Variants in ROBO2 observed in about 807,000 individuals in gnomAD.
ROBO2 encodes roundabout homolog 2.
Under a neutral mutation model 160.8 loss-of-function variants are expected in ROBO2, and 53 were observed. The ratio of observed to expected loss-of-function variants is 0.33; its 90% CI spans 0.26 to 0.41. The LOEUF (loss-of-function observed/expected upper bound fraction) is 0.41, where lower values mean the gene tolerates loss of function less well. Ranked by LOEUF, ROBO2 falls within the 10% of genes least tolerant of loss-of-function variation. ROBO2 has a pLI of 1.00. For synonymous variants in ROBO2, 664 were observed against 611.7 expected, an observed-to-expected ratio of 1.09 and a Z score of -1.26; for missense variants, 1,577 against 1,722.4, an observed-to-expected ratio of 0.92 and a Z score of 1.49.
At chr3:77,232,105 G>A (rs1412451163) in intron 2 of ROBO2, among the ~76,000 whole-genome samples, 1 of 152,102 alleles carries the variant, frequency 6.6e-6, no homozygotes, top group Non-Finnish European at 1.5e-5. Context: ...TATGAGTCGA[G>A]TACTTTTAGT....
In ROBO2 at chr3:77,543,950, GCT is replaced by G. The variant is rs1248330059; in HGVS notation, c.935-2387_935-2386del. 3.3e-5 allele frequency among the ~76,000 whole-genome samples: 5 copies of G among 152,056 alleles called. No individual in the cohort carries two copies. In the East Asian group the frequency reaches 9.7e-4, roughly 29 times the overall value. On this transcript the variant is annotated intron_variant, in intron 6 of 25. Coordinates refer to ENST00000461745, the Ensembl canonical transcript of ROBO2. ...GAGTTTTTAATAATTTTCGATACAT[GCT>G]AAATTATTCAACACTCCTCACTTGG...
At chr3:77,487,261 A>G (rs1010420028) in intron 4 of ROBO2, among the ~76,000 whole-genome samples, 1 of 152,124 alleles carries the variant, frequency 6.6e-6, no homozygotes, top group African/African-American at 2.4e-5. Flanking sequence ...ATATTTATTG[A>G]GCATCTGCTA....
intron 2 of ROBO2, among the ~76,000 whole-genome samples, chr3:76,785,497 ACAT>A (rs1560557527): frequency 6.6e-6 from 1 of 151,292 alleles, no homozygotes; most frequent in Non-Finnish European, 1.5e-5. Context: ...TTTATTTATC[ACAT>A]CATATATGTT....
At chr3:77,242,439 A>G (rs910482148) in intron 2 of ROBO2, among the ~76,000 whole-genome samples, 2 of 152,202 alleles carry the variant, frequency 1.3e-5, no homozygotes, top group African/African-American at 4.8e-5. Flanking sequence ...AGGTATAGGA[A>G]GGTATTTAAG....
intron 2 of ROBO2, among the ~76,000 whole-genome samples, chr3:76,661,290 A>G (rs1445128550): frequency 6.6e-6 from 1 of 152,218 alleles, no homozygotes; most frequent in East Asian, 1.9e-4. Context: ...ACTCTAAAGT[A>G]GGAAAATACA....
chr3:76,229,685 C>A (rs958622993), intron 2 of ROBO2, among the ~76,000 whole-genome samples: 4 of 151,982 alleles, frequency 2.6e-5, no homozygotes, highest in African/African-American at 9.7e-5. Flanking sequence ...TCCTATTTAT[C>A]CTAGCTTCTT....
At chr3:76,184,729 CAATGCTGT>C (rs1466951971) in intron 2 of ROBO2, among the ~76,000 whole-genome samples, 1 of 151,996 alleles carries the variant, frequency 6.6e-6, no homozygotes. Flanking sequence ...TCAGGGAAGT[CAATGCTGT>C]AATTCTCAGC....
intron 21 of ROBO2, among the ~76,000 whole-genome samples, chr3:77,613,058 T>C (rs1421229162): frequency 1.3e-5 from 2 of 152,222 alleles, no homozygotes; most frequent in East Asian, 3.8e-4. Flanking sequence ...AGCAATGTAT[T>C]TGACTAATGC....
At chr3:77,011,054 C>CTTTCTTCTTTCTTTCTTTCTTTCT (rs367569139) in intron 2 of ROBO2, among the ~76,000 whole-genome samples, 6 of 106,816 alleles carry the variant, frequency 5.6e-5, no homozygotes, top group African/African-American at 2.2e-4. Flanking sequence ...TTCTTTCTTT[C>CTTTCTTCTTTCTTTCTTTCTTTCT]TTCTTTCTTT....
intron 2 of ROBO2, among the ~76,000 whole-genome samples, chr3:76,797,383 G>A (rs1364955976): frequency 6.6e-6 from 1 of 151,948 alleles, no homozygotes; most frequent in East Asian, 1.9e-4. Flanking sequence ...CAAATTTCCT[G>A]ACACAAATGA....
In ROBO2 at chr3:76,398,747, C is replaced by G. The variant is rs937835046; in HGVS notation, c.109+461145C>G. On this transcript the variant is annotated intron_variant, in intron 2 of 26. Coordinates refer to the ROBO2 transcript ENST00000487694. ...AATATACTATTAAGTTTAGTATATT[C>G]TATTGGTTTAGTATATTCTATTAGT... is the stretch of plus-strand genomic sequence containing the variant. 2.0e-5 allele frequency among the ~76,000 whole-genome samples: 3 copies of G among 151,322 alleles called. No individual in the cohort carries two copies. In the South Asian group the frequency reaches 6.2e-4, roughly 31 times the overall value.
At chr3:77,340,060 C>T (rs1005073945) in intron 2 of ROBO2, among the ~76,000 whole-genome samples, 16 of 152,032 alleles carry the variant, frequency 1.1e-4, no homozygotes, top group African/African-American at 3.6e-4. Context: ...GCTGATATTC[C>T]GATAAAGATT....
intron 2 of ROBO2, among the ~76,000 whole-genome samples, chr3:76,294,722 A>G (rs1315507433): frequency 1.3e-5 from 2 of 152,222 alleles, no homozygotes; most frequent in African/African-American, 2.4e-5. Context: ...TATAAAATAT[A>G]TATAGATTCA....
chr3:77,245,098 A>C (rs1023779986), intron 2 of ROBO2, among the ~76,000 whole-genome samples: 1 of 152,174 alleles, frequency 6.6e-6, no homozygotes, highest in Non-Finnish European at 1.5e-5. Flanking sequence ...GCTGCATTTT[A>C]ACAAGTTGGG....
intron 2 of ROBO2, among the ~76,000 whole-genome samples, chr3:76,043,390 C>T (rs1482481590): frequency 1.3e-5 from 2 of 151,514 alleles, no homozygotes; most frequent in Admixed American, 6.6e-5. Context: ...GGCCTTTTTG[C>T]TGAGTTGACT....
At chr3:76,340,616 A>G (rs892865136) in intron 2 of ROBO2, among the ~76,000 whole-genome samples, 1 of 152,158 alleles carries the variant, frequency 6.6e-6, no homozygotes, top group Non-Finnish European at 1.5e-5. Flanking sequence ...CTAGGTCACA[A>G]AGCATATTAT....
At chr3:76,062,721 G>C (rs11916128) in intron 2 of ROBO2, among the ~76,000 whole-genome samples, 11,612 of 152,202 alleles carry the variant, frequency 0.076, 1,173 homozygotes, top group African/African-American at 0.23. Context: ...CAAAAAGCAT[G>C]AACAGTGTTA....
At chr3:76,427,532 A>G (rs991803714) in intron 2 of ROBO2, among the ~76,000 whole-genome samples, 30 of 152,170 alleles carry the variant, frequency 2.0e-4, no homozygotes, top group African/African-American at 7.0e-4. Context: ...TTCATGAATT[A>G]TTTCATGGGG....
intron 2 of ROBO2, among the ~76,000 whole-genome samples, chr3:76,073,178 A>G (rs940404470): frequency 1.4e-5 from 2 of 145,070 alleles, no homozygotes; most frequent in African/African-American, 5.1e-5. Context: ...ATTATTTTAT[A>G]TGTGTGCCTT....
Sources: gnomAD v4.1 joint callset for allele counts (sites outside exome capture counted in the v4.1 genomes callset) on GRCh38, gnomAD v4.1.1 for gene constraint, MANE v1.5 for transcripts, NCBI Gene and HGNC (gene_info 2026-07-23, HGNC 2026-07-21) for gene names.